PDZRN3: variants seen among roughly 807,000 people sequenced by gnomAD.
PDZRN3 encodes E3 ubiquitin-protein ligase PDZRN3.
Under a neutral mutation model 85.7 loss-of-function variants are expected in PDZRN3, and 38 were observed. That is an observed-to-expected ratio of 0.44 (90% CI 0.34 to 0.58). The LOEUF (loss-of-function observed/expected upper bound fraction) is 0.58. Ranked by LOEUF, PDZRN3 falls within the 20% of genes least tolerant of loss-of-function variation. PDZRN3 has a pLI of 0.01. For missense variants in PDZRN3, 1,629 were observed against 1,506.4 expected (o/e 1.08, Z -1.35); for synonymous variants, 759 against 638.0 (o/e 1.19, Z -2.86).
chr3:73,482,427 T>C (rs543249193), intron 3 of PDZRN3, among the ~76,000 whole-genome samples: 3 of 152,326 alleles, frequency 2.0e-5, no homozygotes, highest in South Asian at 2.1e-4. Flanking sequence ...TGGACAACTT[T>C]AGATAGACAC....
intron 1 of PDZRN3, among the ~76,000 whole-genome samples, chr3:73,613,717 A>C (rs926637545): frequency 1.2e-4 from 18 of 152,118 alleles, no homozygotes; most frequent in African/African-American, 4.1e-4. Flanking sequence ...AAGACTGAGG[A>C]GTTCTCAACA....
chr3:73,528,280 T>C (rs1445301959), intron 3 of PDZRN3, among the ~76,000 whole-genome samples: 1 of 152,206 alleles, frequency 6.6e-6, no homozygotes. Context: ...CTATCTGTTA[T>C]AACCTTACCG....
chr3:73,523,038 T>G (rs930012290), intron 3 of PDZRN3, among the ~76,000 whole-genome samples: 2 of 152,094 alleles, frequency 1.3e-5, no homozygotes, highest in Admixed American at 1.3e-4. Flanking sequence ...TTGTTTGTTT[T>G]TTGAGAAGAA....
chr3:73,540,389 T>A (rs905737461), intron 3 of PDZRN3, among the ~76,000 whole-genome samples: 1 of 152,216 alleles, frequency 6.6e-6, no homozygotes, highest in Admixed American at 6.5e-5. Context: ...ATAAGGGAAC[T>A]ACCCTCTATA....
chr3:73,398,727 GC>G (rs1226682287), intron 5 of PDZRN3, among the ~76,000 whole-genome samples: 1 of 152,124 alleles, frequency 6.6e-6, no homozygotes, highest in Non-Finnish European at 1.5e-5. Flanking sequence ...GGATGTAGTG[GC>G]CCCAGGCTCC....
chr3:73,521,071 C>A (rs1704352125), intron 3 of PDZRN3, among the ~76,000 whole-genome samples: 1 of 152,060 alleles, frequency 6.6e-6, no homozygotes, highest in South Asian at 2.1e-4. Context: ...ATGGCAGAGC[C>A]CAGGATTTAA....
chr3:73,538,211 T>C (rs1338037818), intron 3 of PDZRN3, among the ~76,000 whole-genome samples: 2 of 152,226 alleles, frequency 1.3e-5, no homozygotes, highest in Non-Finnish European at 2.9e-5. Context: ...GAGTCTTGCA[T>C]CTGTTTTCCA....
chr3:73,535,920 T>C (rs1704774754), intron 3 of PDZRN3, among the ~76,000 whole-genome samples: 1 of 152,246 alleles, frequency 6.6e-6, no homozygotes, highest in Non-Finnish European at 1.5e-5. Flanking sequence ...AGGGAAATTT[T>C]ACAAGGATTT....
intron 3 of PDZRN3, among the ~76,000 whole-genome samples, chr3:73,457,073 C>G (rs1006354785): frequency 1.3e-5 from 2 of 151,996 alleles, no homozygotes; most frequent in Non-Finnish European, 2.9e-5. Context: ...AAATTTCTAC[C>G]TTAGCTCACT....
intron 3 of PDZRN3, among the ~76,000 whole-genome samples, chr3:73,512,504 G>A (rs557577772): frequency 3.9e-5 from 6 of 151,996 alleles, no homozygotes; most frequent in South Asian, 2.1e-4. Flanking sequence ...ATTTAATAGC[G>A]TCATATGGGA....
intron 3 of PDZRN3, among the ~76,000 whole-genome samples, chr3:73,538,060 G>A (rs931805185): frequency 6.6e-6 from 1 of 152,182 alleles, no homozygotes; most frequent in Admixed American, 6.5e-5. Flanking sequence ...CATCTTGAGT[G>A]AGCATGATCA....
chr3:73,559,652 T>C (rs1334956181), intron 3 of PDZRN3, among the ~76,000 whole-genome samples: 3 of 152,244 alleles, frequency 2.0e-5, no homozygotes, highest in South Asian at 2.1e-4. Flanking sequence ...ACTTGTTTCC[T>C]ATTTATGTAA....
intron 3 of PDZRN3, among the ~76,000 whole-genome samples, chr3:73,537,786 ATTT>A (rs11387585): frequency 2.2e-5 from 3 of 137,248 alleles, no homozygotes; most frequent in Non-Finnish European, 1.6e-5. Context: ...CACCCGGCTA[ATTT>A]TTTTTTTTTT....
intron 3 of PDZRN3, among the ~76,000 whole-genome samples, chr3:73,563,013 A>ATATATATATATATTT (rs1187151191): frequency 9.1e-5 from 4 of 43,758 alleles, no homozygotes; most frequent in South Asian, 1.1e-3. Flanking sequence ...ATATATATAT[A>ATATATATATATATTT]TTTTTTTTTT....
chr3:73,388,930 C>CAAAAAAAAAAAAAAA (rs10675308), intron 7 of PDZRN3, among the ~76,000 whole-genome samples: 1 of 67,686 alleles, frequency 1.5e-5, no homozygotes, highest in East Asian at 6.4e-4. Context: ...CTCCAGCAAT[C>CAAAAAAAAAAAAAAA]AAAAAAAAAA....
At chr3:73,558,115 T>G (rs1326109343) in intron 3 of PDZRN3, among the ~76,000 whole-genome samples, 1 of 151,980 alleles carries the variant, frequency 6.6e-6, no homozygotes, top group Non-Finnish European at 1.5e-5. Context: ...ATACAGAAAT[T>G]CTGTTGCCAA....
At position 73,510,584 on chromosome 3, in the gene PDZRN3, C is replaced by A. The variant is rs575652887; in HGVS notation, c.918+91770G>T. On this transcript the variant is annotated intron_variant, in intron 3 of 9. Coordinates refer to ENST00000263666, the MANE Select transcript of PDZRN3 (RefSeq NM_015009.3). ...AAGAAAACATAACATTCATAGAGAT[C>A]GACTCCTGCAGTGGGGAGGAGGCTG... Among the ~76,000 whole-genome samples the A allele has an allele frequency of 1.1e-4, 17 of 152,238 alleles. No individual in the cohort carries two copies. In the South Asian group the frequency reaches 3.5e-3, roughly 32 times the overall value.
Position 73,414,959 on chromosome 3 carries a change from C to T in PDZRN3, c.919-10564G>A, listed in dbSNP as rs141025627. 4.2e-3 allele frequency among the ~76,000 whole-genome samples: 647 copies of T among 152,298 alleles called. 7 individuals carry two copies. The highest frequency in any genetic ancestry group is 0.01 in the Middle Eastern group (3 of 294). ...TCTCTAGCAATGCTTAACACTTCCG[C>T]GTTATTTTCTACGTACCATGCAGTA... On this transcript the variant is annotated intron_variant, in intron 3 of 9. Transcript: ENST00000263666.
intron 1 of PDZRN3, among the ~76,000 whole-genome samples, chr3:73,620,093 A>C (rs1267619993): frequency 6.6e-6 from 1 of 152,140 alleles, no homozygotes; most frequent in Non-Finnish European, 1.5e-5. Flanking sequence ...CACCACTACC[A>C]CCACCACCAA....
Sources: gnomAD v4.1 joint callset for allele counts (sites outside exome capture counted in the v4.1 genomes callset) on GRCh38, gnomAD v4.1.1 for gene constraint, MANE v1.5 for transcripts, NCBI Gene and HGNC (gene_info 2026-07-23, HGNC 2026-07-21) for gene names.